HIVEP3: variants seen among roughly 807,000 people sequenced by gnomAD.
HIVEP3 encodes HIVEP zinc finger 3, also known as transcription factor HIVEP3.
In HIVEP3, 49 loss-of-function variants were observed where a neutral mutation model predicts 152.8. The observed-to-expected ratio is 0.32, with a 90% CI of 0.26 to 0.41. HIVEP3 has a LOEUF of 0.41. HIVEP3 is among the 10% of genes least tolerant of loss of function. HIVEP3 has a pLI of 1.00. For missense variants in HIVEP3, 2,790 were observed against 3,103.3 expected (o/e 0.90, Z 2.40); for synonymous variants, 1,269 against 1,289.0 (o/e 0.98, Z 0.33).
intron 1 of HIVEP3, among the ~76,000 whole-genome samples, chr1:41,904,297 AC>A (rs748940055): frequency 1.3e-5 from 2 of 151,966 alleles, no homozygotes; most frequent in Non-Finnish European, 2.9e-5. Flanking sequence ...CAGCTTGGTG[AC>A]CCCGGGCCAG....
intron 5 of HIVEP3, among the ~76,000 whole-genome samples, chr1:41,552,667 A>C (rs1569877819): frequency 6.6e-6 from 1 of 151,414 alleles, no homozygotes; most frequent in Non-Finnish European, 1.5e-5. Context: ...GAATAATGCT[A>C]CAATAAACAT....
chr1:41,641,029 C>T (rs947459977), intron 2 of HIVEP3, among the ~76,000 whole-genome samples: 2 of 152,226 alleles, frequency 1.3e-5, no homozygotes, highest in African/African-American at 2.4e-5. Flanking sequence ...CAAAATGGTA[C>T]GGTTGGCTTC....
At chr1:41,536,700 T>A (rs1161228464) in intron 5 of HIVEP3, among the ~76,000 whole-genome samples, 2 of 152,094 alleles carry the variant, frequency 1.3e-5, no homozygotes, top group Non-Finnish European at 2.9e-5. Flanking sequence ...CAGATTCAGA[T>A]TTTTAAAAAA....
At chr1:41,765,658 T>TCTTAG (rs1295768283) in intron 1 of HIVEP3, among the ~76,000 whole-genome samples, 5 of 152,334 alleles carry the variant, frequency 3.3e-5, no homozygotes, top group Non-Finnish European at 1.5e-5. Context: ...CTGTAAGCTG[T>TCTTAG]AAGCCTTAGA....
At chr1:41,769,085 T>G (rs1648188093) in intron 1 of HIVEP3, among the ~76,000 whole-genome samples, 1 of 152,246 alleles carries the variant, frequency 6.6e-6, no homozygotes, top group South Asian at 2.1e-4. Flanking sequence ...ATCATGGCCC[T>G]AAGCAGCTAA....
chr1:41,853,915 T>C (rs77413474), intron 1 of HIVEP3, among the ~76,000 whole-genome samples: 1 of 152,246 alleles, frequency 6.6e-6, no homozygotes, highest in East Asian at 1.9e-4. Context: ...TGATGATGAA[T>C]GTGTGAGCTC....
In HIVEP3 at chr1:41,584,678, G is replaced by T; in HGVS notation, c.120C>A (p.Ser40Arg). ...SVSSSVPYPG[S>R]GTAATQESPA... ...GGCTCTCTTGGGTGGCAGCTGTGCC[G>T]CTGCCTGGGTATGGGACGCTGGAAG... The change falls in exon 4 of 9, where the codon AGC becomes AGA. Residue 40 changes from serine to arginine, a missense_variant. Physicochemically the swap from Ser to Arg is moderately radical, Grantham distance 110 (BLOSUM62 -1). Around this residue, in one of 9 missense-constraint regions of HIVEP3, gnomAD observed 209 missense variants for 237.0 expected, o/e 0.88. Coordinates refer to ENST00000372583, the MANE Select transcript of HIVEP3 (RefSeq NM_024503.5). This position sits in a 1 kb window ranked among gnomAD's most constrained non-coding sequence, Gnocchi z 5.2. 6.3e-7 allele frequency: 1 copy of T among 1,584,764 alleles called. No individual in the cohort carries two copies. The highest frequency in any genetic ancestry group is 1.2e-5 in the South Asian group (1 of 86,148).
rs72953327 is a variant in HIVEP3, at chr1:41,585,751, C to T, written c.-521-433G>A. 4.2e-3 allele frequency among the ~76,000 whole-genome samples: 647 copies of T among 152,278 alleles called. 3 individuals carry two copies. The highest frequency in any genetic ancestry group is 0.015 in the African/African-American group (612 of 41,546). On this transcript the variant is annotated intron_variant, in intron 3 of 8. Coordinates refer to ENST00000372583, the MANE Select transcript of HIVEP3 (RefSeq NM_024503.5). ...AACAAATCCTGCCTCGACTGTGCCTCGGAGCTGCAGTGGGCCCAATGACAT... is the reference window on the plus strand; with the variant it reads ...AACAAATCCTGCCTCGACTGTGCCTTGGAGCTGCAGTGGGCCCAATGACAT...
intron 5 of HIVEP3, chr1:41,543,030 C>G (rs959342961): frequency 3.9e-5 from 6 of 152,234 alleles, no homozygotes; most frequent in African/African-American, 1.4e-4. Context: ...CTGCACTTGA[C>G]AAACATGAAG....
intron 1 of HIVEP3, among the ~76,000 whole-genome samples, chr1:41,811,952 A>G (rs967053474): frequency 3.9e-5 from 6 of 152,288 alleles, no homozygotes; most frequent in Admixed American, 3.3e-4. Flanking sequence ...GAAGCCCCCG[A>G]GTGCCCAAGT....
At chr1:41,971,946 A>G (rs1645232318) in intron 1 of HIVEP3, among the ~76,000 whole-genome samples, 1 of 152,188 alleles carries the variant, frequency 6.6e-6, no homozygotes, top group Admixed American at 6.5e-5. Flanking sequence ...CAGAGGACGC[A>G]GCAACATGTT....
intron 1 of HIVEP3, among the ~76,000 whole-genome samples, chr1:42,017,123 ATATT>A (rs1190595802): frequency 6.6e-6 from 1 of 151,946 alleles, no homozygotes; most frequent in Non-Finnish European, 1.5e-5. Flanking sequence ...CCTCATGTTG[ATATT>A]TATTTATTAC....
intron 1 of HIVEP3, among the ~76,000 whole-genome samples, chr1:41,965,737 A>T (rs1645193883): frequency 6.6e-6 from 1 of 152,178 alleles, no homozygotes. Flanking sequence ...ATATAAAAGG[A>T]CCAAACCTAC....
intron 6 of HIVEP3, among the ~76,000 whole-genome samples, chr1:41,518,979 C>A (rs1429721535): frequency 6.6e-6 from 1 of 152,074 alleles, no homozygotes; most frequent in African/African-American, 2.4e-5. Flanking sequence ...CTGAGGACAC[C>A]TCTAGGGCAG....
intron 1 of HIVEP3, among the ~76,000 whole-genome samples, chr1:41,931,723 G>A (rs1457782955): frequency 2.6e-5 from 4 of 151,844 alleles, no homozygotes; most frequent in African/African-American, 9.7e-5. Context: ...GTGGGTTTCG[G>A]TGCTACTGAA....
At chr1:41,554,152 G>C (rs1643930057) in intron 5 of HIVEP3, among the ~76,000 whole-genome samples, 1 of 152,112 alleles carries the variant, frequency 6.6e-6, no homozygotes, top group Admixed American at 6.5e-5. Context: ...TGTAGATTTG[G>C]TCTTTTCACA....
At chr1:41,990,098 C>T (rs1449843641) in intron 1 of HIVEP3, among the ~76,000 whole-genome samples, 2 of 95,784 alleles carry the variant, frequency 2.1e-5, no homozygotes, top group African/African-American at 8.7e-5. Flanking sequence ...CCTTCAGGAG[C>T]TCTTTTAGGG....
Position 41,510,306 on chromosome 1 carries a change from ATGG to A in HIVEP3, c.*142_*144del. The A allele has an allele frequency of 1.8e-6, 1 of 558,202 alleles. No individual in the cohort carries two copies. Among genetic ancestry groups the A allele is most frequent in the Non-Finnish European group, 2.8e-6 (1 of 350,940 alleles). 34.6% of individuals were successfully genotyped at this position (558,202 alleles called of 1,614,324 possible). ...GAAAAAGGCACAGGTAACTGCATAC[ATGG>A]GAAGGTACAACAGATGGGGCCGTGA... On this transcript the variant is annotated 3_prime_UTR_variant, in exon 9 of 9. Transcript: ENST00000372583.
At chr1:41,763,473 C>A (rs1186642637) in intron 1 of HIVEP3, among the ~76,000 whole-genome samples, 5 of 152,212 alleles carry the variant, frequency 3.3e-5, no homozygotes, top group Non-Finnish European at 5.9e-5. Context: ...AAGTTGGATG[C>A]CCCACCCCTG....
Sources: allele counts gnomAD v4.1 joint callset (sites outside exome capture counted in the v4.1 genomes callset), GRCh38; gene constraint gnomAD v4.1.1; regional missense constraint gnomAD v4.1.1; non-coding constraint Gnocchi (gnomAD v3.1); transcripts MANE v1.5; gene names NCBI Gene and HGNC (gene_info 2026-07-23, HGNC 2026-07-21).